The following NEBL variants were observed in gnomAD, a reference collection of about 807,000 sequenced individuals.
NEBL encodes nebulette, also known as LIM and SH3 protein 2.
In NEBL, 122 loss-of-function variants were observed where a neutral mutation model predicts 140.2. That is an observed-to-expected ratio of 0.87 (90% CI 0.75 to 1.01). The LOEUF is 1.01. NEBL is among the 50% of genes least tolerant of loss of function. NEBL has a pLI of 0.00. For synonymous variants in NEBL, 436 were observed against 398.9 expected, an observed-to-expected ratio of 1.09 and a Z score of -1.11; for missense variants, 1,365 against 1,231.3, an observed-to-expected ratio of 1.11 and a Z score of -1.62.
chr10:20,813,747 G>A, intron 23 of NEBL, 192 bp downstream of exon 23: 1 of 583,288 alleles, frequency 1.7e-6, no homozygotes, highest in South Asian at 2.0e-5. Context: ...AAGTCACTGA[G>A]AAAAATCATT....
chr10:21,226,838 T>C (rs1483397177), intron 3 of NEBL, among the ~76,000 whole-genome samples: 1 of 152,152 alleles, frequency 6.6e-6, no homozygotes, highest in African/African-American at 2.4e-5. Flanking sequence ...ACAGGTACTG[T>C]TTCTCTCACC....
chr10:21,188,905 T>G (rs1291537965), intron 3 of NEBL, among the ~76,000 whole-genome samples: 1 of 152,152 alleles, frequency 6.6e-6, no homozygotes, highest in African/African-American at 2.4e-5. Flanking sequence ...TTCTTAATTA[T>G]CCACATAAAT....
chr10:21,241,416 G>A (rs897923225), intron 3 of NEBL, among the ~76,000 whole-genome samples: 3 of 152,116 alleles, frequency 2.0e-5, no homozygotes, highest in African/African-American at 7.2e-5. Flanking sequence ...TGGCTGTTCT[G>A]CTTCCTGTAG....
intron 3 of NEBL, among the ~76,000 whole-genome samples, chr10:21,018,749 G>A (rs1468064372): frequency 6.6e-6 from 1 of 152,184 alleles, no homozygotes; most frequent in Non-Finnish European, 1.5e-5. Flanking sequence ...AAGAGCTTCA[G>A]GCCGGGCGCA....
chr10:20,827,066 C>A (rs963462739), intron 17 of NEBL, among the ~76,000 whole-genome samples: 3 of 152,172 alleles, frequency 2.0e-5, no homozygotes, highest in Non-Finnish European at 4.4e-5. Context: ...AACCCTCTCC[C>A]ATGTGTCTCC....
At chr10:21,223,274 T>C (rs745979050) in intron 3 of NEBL, among the ~76,000 whole-genome samples, 15 of 152,234 alleles carry the variant, frequency 9.9e-5, no homozygotes, top group East Asian at 1.9e-4. Flanking sequence ...AATTTTAGCT[T>C]CCATGGATAA....
chr10:20,996,239 C>G (rs1049736670), intron 3 of NEBL, among the ~76,000 whole-genome samples: 2 of 152,180 alleles, frequency 1.3e-5, no homozygotes, highest in African/African-American at 2.4e-5. Flanking sequence ...TTAGGAGAGG[C>G]CTTTTCCCCA....
chr10:20,812,105 T>A (rs955747270), intron 24 of NEBL, among the ~76,000 whole-genome samples: 14 of 152,176 alleles, frequency 9.2e-5, no homozygotes, highest in African/African-American at 3.4e-4. Flanking sequence ...TGGAGTACCA[T>A]CAGAACGCCC....
In NEBL at chr10:20,780,464, A is replaced by G. The variant is rs558401705; in HGVS notation, c.*5283T>C. The G allele has an allele frequency of 6.6e-6, 1 of 152,272 alleles. No individual in the cohort carries two copies. The highest frequency in any genetic ancestry group is 2.4e-5 in the African/African-American group (1 of 41,566). The allele number at this position is 152,272 out of a possible 1,614,324, so 9.4% of individuals were successfully genotyped here. A position where few individuals can be genotyped will look rare whatever the true frequency, so the allele number is the denominator to read the frequency against. ...AACTAAGTTTATTTGGGGGAGGAAA[A>G]TATCTTGACTGATTCACCAATGTAA... is the stretch of plus-strand genomic sequence containing the variant. On this transcript the variant is annotated 3_prime_UTR_variant, in exon 28 of 28. Coordinates refer to ENST00000377122, the MANE Select transcript of NEBL (RefSeq NM_006393.3).
intron 3 of NEBL, among the ~76,000 whole-genome samples, chr10:21,193,309 C>G (rs1344899066): frequency 6.6e-6 from 1 of 152,124 alleles, no homozygotes; most frequent in Non-Finnish European, 1.5e-5. Flanking sequence ...TGGAACTGGA[C>G]AGAAAGTTGA....
At position 21,169,070 on chromosome 10, in the gene NEBL, ATATATATATATATATAT is replaced by A. The variant is rs1840958920; in HGVS notation, c.164+3296_164+3312del. 2.1e-3 allele frequency among the ~76,000 whole-genome samples: 91 copies of A among 44,212 alleles called. 3 individuals are homozygous for A. The highest frequency in any genetic ancestry group is 4.0e-3 in the Admixed American group (15 of 3,790). The allele number at this position is 44,212 out of a possible 152,430, so 29.0% of individuals were successfully genotyped here. A position where few individuals can be genotyped will look rare whatever the true frequency, so the allele number is the denominator to read the frequency against. On this transcript the variant is annotated intron_variant, in intron 2 of 6. Coordinates refer to the NEBL transcript ENST00000417816. ...TCTACAAAAAAAAAAAAAAAAAAAT[ATATATATATATATATAT>A]ATATATATATATATATATATTTGGA...
At chr10:20,802,032 C>T (rs1837171835) in intron 26 of NEBL, among the ~76,000 whole-genome samples, 1 of 152,164 alleles carries the variant, frequency 6.6e-6, no homozygotes, top group Non-Finnish European at 1.5e-5. Flanking sequence ...ATCACACTCC[C>T]ATATCCTTTT....
At chr10:21,036,232 A>C (rs551066057) in intron 2 of NEBL, among the ~76,000 whole-genome samples, 17 of 152,260 alleles carry the variant, frequency 1.1e-4, no homozygotes, top group Middle Eastern at 3.4e-3. Flanking sequence ...AGGCCGAGGC[A>C]GGAGGATTGC....
At chr10:20,870,622 C>T (rs1424452132) in intron 5 of NEBL, among the ~76,000 whole-genome samples, 28 of 152,104 alleles carry the variant, frequency 1.8e-4, no homozygotes, top group Non-Finnish European at 4.0e-4. Flanking sequence ...CCAGCATTTG[C>T]CCTTTCAACT....
At chr10:21,046,637 G>A (rs1834525610) in intron 2 of NEBL, among the ~76,000 whole-genome samples, 1 of 152,152 alleles carries the variant, frequency 6.6e-6, no homozygotes, top group South Asian at 2.1e-4. Context: ...GTGTGACTCT[G>A]TCGCCCAGGC....
intron 2 of NEBL, among the ~76,000 whole-genome samples, chr10:21,042,686 G>T (rs975518534): frequency 6.6e-6 from 1 of 152,120 alleles, no homozygotes; most frequent in Non-Finnish European, 1.5e-5. Context: ...ACAGAAAATC[G>T]CAAACACTGC....
intron 2 of NEBL, among the ~76,000 whole-genome samples, chr10:21,164,360 A>T (rs1448612977): frequency 6.6e-6 from 1 of 152,060 alleles, no homozygotes; most frequent in Non-Finnish European, 1.5e-5. Context: ...TATCTCTCTT[A>T]CTCCCTGATG....
At chr10:20,964,648 A>G (rs1836210362) in intron 3 of NEBL, among the ~76,000 whole-genome samples, 1 of 152,178 alleles carries the variant, frequency 6.6e-6, no homozygotes. Context: ...TCACATTTCA[A>G]CATGAGATTT....
chr10:20,832,372 G>A (rs529799960), intron 14 of NEBL, among the ~76,000 whole-genome samples: 17 of 152,090 alleles, frequency 1.1e-4, no homozygotes, highest in Admixed American at 4.6e-4. Flanking sequence ...AGATCAAGCC[G>A]TGCCTAGGAA....
Sources: allele counts gnomAD v4.1 joint callset (sites outside exome capture counted in the v4.1 genomes callset), GRCh38; gene constraint gnomAD v4.1.1; transcripts MANE v1.5; gene names NCBI Gene and HGNC (gene_info 2026-07-23, HGNC 2026-07-21).